The following NPAT variants were observed in gnomAD, a reference collection of about 807,000 sequenced individuals.
NPAT encodes the protein protein NPAT.
In NPAT, 52 loss-of-function variants were observed where a neutral mutation model predicts 130.7. The observed-to-expected ratio is 0.40, with a 90% confidence interval of 0.32 to 0.50. The LOEUF (loss-of-function observed/expected upper bound fraction) is 0.50, where lower values mean the gene tolerates loss of function less well. Among genes scored for constraint, NPAT ranks in the 20% least tolerant of loss-of-function variants. NPAT has a pLI of 0.68. For synonymous variants in NPAT, 580 were observed against 584.8 expected (o/e 0.99, Z 0.12); for missense variants, 1,687 against 1,662.6 (o/e 1.01, Z -0.26).
In NPAT at chr11:108,173,504, C is replaced by T. The variant is rs776199761; in HGVS notation, c.1480G>A (p.Val494Ile). ...GIEKNSLSSNVPSESQLQPDQ... is the reference protein window; with the variant it reads ...GIEKNSLSSNIPSESQLQPDQ... The stretch of plus-strand genomic sequence containing the variant: ...GGCTGTAACTGAGATTCACTCGGTA[C>T]ATTTGAAGACAAAGAGTTCTTTTCA... Residue 494 changes from valine to isoleucine, a missense_variant, in exon 13 of 18, where the codon GTA (valine) becomes ATA (isoleucine). Around this residue, in one of 3 missense-constraint regions of NPAT, gnomAD observed 1,379 missense variants for 1,346.6 expected, o/e 1.02. Coordinates refer to ENST00000278612, the MANE Select transcript of NPAT (RefSeq NM_002519.3). 43 of 1,614,020 alleles carry T rather than the reference C, an allele frequency of 2.7e-5. No homozygotes were observed. Among genetic ancestry groups the T allele is most frequent in the Non-Finnish European group, 3.6e-5 (42 of 1,180,020 alleles).
intron 15 of NPAT, among the ~76,000 whole-genome samples, chr11:108,162,818 A>C (rs918272908): frequency 7.9e-5 from 12 of 152,200 alleles, no homozygotes; most frequent in African/African-American, 2.9e-4. Context: ...CCAGGTAGTC[A>C]CTTAAAGAAA....
rs2077957839 is a variant in NPAT, at chr11:108,172,202, G to T, written c.2782C>A (p.Gln928Lys). Residue 928 changes from glutamine to lysine, a missense_variant, in exon 13 of 18, where the codon CAA becomes AAA. Physicochemically the swap from Gln to Lys is moderately conservative, Grantham distance 53. Coordinates refer to ENST00000278612, the MANE Select transcript of NPAT (RefSeq NM_002519.3). Reference protein sequence around the residue: ...VNQAVSPNFSQGSAIIIASPV... With the variant: ...VNQAVSPNFSKGSAIIIASPV... ...TCAATTATGTTATTAAAGTTACCTT[G>T]TGAAAAGTTTGGTGACACAGCTTGG... 1 of 1,613,666 alleles carries T rather than the reference G, an allele frequency of 6.2e-7. No individual in the cohort carries two copies. Among genetic ancestry groups the T allele is most frequent in the Non-Finnish European group, 8.5e-7 (1 of 1,179,712 alleles).
rs1453965585 is a variant in NPAT, at chr11:108,170,063, T to TA, written c.2786-21dup. On this transcript the variant is annotated intron_variant, in intron 13 of 17. Coordinates refer to ENST00000278612, the MANE Select transcript of NPAT (RefSeq NM_002519.3). The stretch of plus-strand genomic sequence containing the variant: ...CAGATCCTAAAAAAACAATTCTTGT[T>TA]AAAAAAAGATTTTCTCTGAAATGTT... The TA allele has an allele frequency of 6.0e-6, 9 of 1,502,842 alleles. No individual in the cohort carries two copies. The highest frequency in any genetic ancestry group is 1.1e-5 in the South Asian group (1 of 88,722). 93.1% of individuals were successfully genotyped at this position (1,502,842 alleles called of 1,614,324 possible). A position where few individuals can be genotyped will look rare whatever the true frequency, so the allele number is the denominator to read the frequency against.
At chr11:108,191,485 TAA>T in intron 4 of NPAT, among the ~76,000 whole-genome samples, 1 of 152,202 alleles carries the variant, frequency 6.6e-6, no homozygotes, top group Non-Finnish European at 1.5e-5. Context: ...AAGAGAAATA[TAA>T]AGATAAGACT....
chr11:108,161,219 G>A lies in NPAT; in HGVS notation c.3867C>T (p.Ala1289=). Residue 1289 remains alanine (A), a synonymous_variant, in exon 17 of 18, where the codon GCC becomes GCT. Transcript: ENST00000278612. ...CTTCACTGAAACGCCTACTAGAGGG[G>A]GCCTTGATAATATCTATAGGTTCTT... ...HKEEPIDIIK[A]PSSRRFSEDS... 2 of 1,614,140 alleles carry A rather than the reference G, an allele frequency of 1.2e-6. No homozygotes were observed. The highest frequency in any genetic ancestry group is 8.5e-7 in the Non-Finnish European group (1 of 1,180,018).
chr11:108,210,775 C>A (rs2078376800), intron 1 of NPAT, among the ~76,000 whole-genome samples: 1 of 152,202 alleles, frequency 6.6e-6, no homozygotes, highest in South Asian at 2.1e-4. Flanking sequence ...CTGGTGAATT[C>A]TACAAAACAT....
chr11:108,199,882 T>C (rs748962438), intron 1 of NPAT, among the ~76,000 whole-genome samples: 51 of 152,202 alleles, frequency 3.4e-4, no homozygotes, highest in Non-Finnish European at 6.3e-4. Context: ...GTCTTTCCTA[T>C]AGCATTTTCT....
intron 1 of NPAT, among the ~76,000 whole-genome samples, chr11:108,208,858 T>C (rs970332771): frequency 2.6e-5 from 4 of 152,238 alleles, no homozygotes; most frequent in Admixed American, 1.3e-4. Context: ...TACACATTTT[T>C]CTCAAGTGTA....
At chr11:108,178,986 G>A (rs2078034614) in intron 10 of NPAT, among the ~76,000 whole-genome samples, 1 of 152,212 alleles carries the variant, frequency 6.6e-6, no homozygotes, top group Non-Finnish European at 1.5e-5. Context: ...ATTATAAATT[G>A]ATAGTAACCA....
At chr11:108,185,980 C>G (rs2078103943) in intron 8 of NPAT, among the ~76,000 whole-genome samples, 1 of 151,596 alleles carries the variant, frequency 6.6e-6, no homozygotes, top group African/African-American at 2.4e-5. Flanking sequence ...TTTGGCCTCT[C>G]AAAGTGCTGG....
At chr11:108,160,106 C>T (rs537159818) in intron 17 of NPAT, among the ~76,000 whole-genome samples, 14 of 150,314 alleles carry the variant, frequency 9.3e-5, no homozygotes, top group Middle Eastern at 3.4e-3. Context: ...GGCAAGATCA[C>T]GCCACCGTAC....
chr11:108,161,252 T>A lies in NPAT; in HGVS notation c.3834A>T (p.Lys1278Asn). 1.2e-6 allele frequency: 2 copies of A among 1,614,172 alleles called. No individual in the cohort carries two copies. Among genetic ancestry groups the A allele is most frequent in the Non-Finnish European group, 1.7e-6 (2 of 1,180,036 alleles). ...TAATATCTATAGGTTCTTCTTTATG[T>A]TTTTCCCCTGCCCCTGAGCCAGGTG... ...PRTPGSGAGE[K>N]HKEEPIDIIK... is the part of the protein sequence containing the mutation. Residue 1278 changes from lysine to asparagine, a missense_variant, in exon 17 of 18, where the codon AAA (lysine) becomes AAT (asparagine). Around this residue, in one of 3 missense-constraint regions of NPAT, gnomAD observed 1,379 missense variants for 1,346.6 expected, o/e 1.02. Transcript: ENST00000278612.
At position 108,158,837 on chromosome 11, in the gene NPAT, G is replaced by T. The variant is rs2077819678; in HGVS notation, c.*105C>A. 1 of 717,566 alleles carries T rather than the reference G, an allele frequency of 1.4e-6. No homozygotes were observed. The highest frequency in any genetic ancestry group is 1.5e-5 in the South Asian group (1 of 65,668). 44.4% of individuals were successfully genotyped at this position (717,566 alleles called of 1,614,324 possible). On this transcript the variant is annotated 3_prime_UTR_variant, in exon 18 of 18. Coordinates refer to ENST00000278612, the MANE Select transcript of NPAT (RefSeq NM_002519.3). The stretch of plus-strand genomic sequence containing the variant: ...ATATAAAGTGAAGTTTCAGTACAAT[G>T]AAAGTGCAGGTCATGCTTTCAGATT...
At chr11:108,198,833 C>T (rs941097398) in intron 1 of NPAT, among the ~76,000 whole-genome samples, 1 of 152,180 alleles carries the variant, frequency 6.6e-6, no homozygotes, top group African/African-American at 2.4e-5. Flanking sequence ...TTTTGTTGCT[C>T]AAGAAAACCC....
chr11:108,172,100 C>A (rs1565310244), intron 13 of NPAT, 99 bp downstream of exon 13: 4 of 979,644 alleles, frequency 4.1e-6, no homozygotes, highest in East Asian at 4.8e-5. Context: ...CTCATACCAT[C>A]TACTCATTAG....
At position 108,194,054 on chromosome 11, in the gene NPAT, T is replaced by C. The variant is rs771217598; in HGVS notation, c.157-37A>G. Reference sequence around the variant, plus strand: ...AAGATCAAATATTACCAAAATTGTATAATACTACCAATAATTTCTCACAAG... The same window carrying C: ...AAGATCAAATATTACCAAAATTGTACAATACTACCAATAATTTCTCACAAG... On this transcript the variant is annotated intron_variant, in intron 2 of 17. Coordinates refer to ENST00000278612, the MANE Select transcript of NPAT (RefSeq NM_002519.3). The C allele has an allele frequency of 1.4e-5, 15 of 1,039,158 alleles. No individual in the cohort carries two copies. In the South Asian group the frequency reaches 1.7e-4, roughly 12 times the overall value. 64.4% of individuals were successfully genotyped at this position (1,039,158 alleles called of 1,614,324 possible).
intron 1 of NPAT, among the ~76,000 whole-genome samples, chr11:108,201,371 TA>T (rs2134880419): frequency 1.3e-5 from 2 of 152,324 alleles, no homozygotes; most frequent in South Asian, 4.1e-4. Context: ...CTCAGGCAAC[TA>T]AGACTCACTC....
chr11:108,160,293 A>C (rs1225535522), intron 17 of NPAT, among the ~76,000 whole-genome samples: 3 of 152,180 alleles, frequency 2.0e-5, no homozygotes, highest in Non-Finnish European at 4.4e-5. Context: ...ATTGCACTCC[A>C]GCCTGGGCAA....
Position 108,189,333 on chromosome 11 carries a change from G to A in NPAT, c.332-3C>T, listed in dbSNP as rs2078140700. Reference sequence around the variant, plus strand: ...TGCAATTCCAGTTCTCGTTCGGGCTGAAACATATAAGCATTTAAAAAACAA... The same window carrying A: ...TGCAATTCCAGTTCTCGTTCGGGCTAAAACATATAAGCATTTAAAAAACAA... On this transcript the variant is annotated splice_region_variant and splice_polypyrimidine_tract_variant and intron_variant, in intron 5 of 17. Coordinates refer to ENST00000278612, the MANE Select transcript of NPAT (RefSeq NM_002519.3). 2 of 1,614,022 alleles carry A rather than the reference G, an allele frequency of 1.2e-6. No homozygotes were observed. The highest frequency in any genetic ancestry group is 1.7e-6 in the Non-Finnish European group (2 of 1,179,912).
Sources: allele counts gnomAD v4.1 joint callset (sites outside exome capture counted in the v4.1 genomes callset), GRCh38; gene constraint gnomAD v4.1.1; regional missense constraint gnomAD v4.1.1; transcripts MANE v1.5; gene names NCBI Gene and HGNC (gene_info 2026-07-23, HGNC 2026-07-21).